The following SFXN1 variants were observed in gnomAD, a reference collection of about 807,000 sequenced individuals.
The protein encoded by SFXN1 is sideroflexin 1, also known as sideroflexin-1.
A neutral mutation model predicts 39.5 loss-of-function variants in SFXN1; 32 were observed. That is an observed-to-expected ratio of 0.81 (90% confidence interval 0.61 to 1.09). The LOEUF is 1.09. SFXN1 is among the 50% of genes least tolerant of loss of function. The pLI is 0.00. For missense variants in SFXN1, 402 were observed against 407.1 expected, an observed-to-expected ratio of 0.99 and a Z score of 0.11; for synonymous variants, 136 against 146.5, an observed-to-expected ratio of 0.93 and a Z score of 0.52.
intron 1 of SFXN1, among the ~76,000 whole-genome samples, chr5:175,490,750 A>G (rs1759624328): frequency 1.3e-5 from 2 of 152,204 alleles, no homozygotes; most frequent in Admixed American, 1.3e-4. Context: ...AGGGATAAGC[A>G]TTATATGTCA....
Position 175,486,670 on chromosome 5 carries a change from C to A in SFXN1, c.-9-5425C>A, listed in dbSNP as rs1012115842. Among the ~76,000 whole-genome samples, 3 of 152,146 alleles carry A rather than the reference C, an allele frequency of 2.0e-5. No homozygotes were observed. In the East Asian group the frequency reaches 5.8e-4, roughly 29 times the overall value. On this transcript the variant is annotated intron_variant, in intron 1 of 10. Transcript: ENST00000321442. ...GCAGACGCCTGTAGTCCTAGCTGCT[C>A]GGGAGGCTGAGGTGGGAGGATCACC...
chr5:175,520,678 A>T (rs1760852130), intron 8 of SFXN1, among the ~76,000 whole-genome samples: 1 of 152,176 alleles, frequency 6.6e-6, no homozygotes, highest in Non-Finnish European at 1.5e-5. Flanking sequence ...TACAATGAGG[A>T]GGCTGCTCTC....
intron 9 of SFXN1, 93 bp from the exon 10 acceptor site, chr5:175,522,282 A>G: frequency 2.3e-6 from 3 of 1,290,444 alleles, no homozygotes; most frequent in Non-Finnish European, 3.2e-6. Context: ...AATGCTCTGA[A>G]GAAAGAAGGG....
At chr5:175,487,478 G>A (rs1040412725) in intron 1 of SFXN1, among the ~76,000 whole-genome samples, 4 of 152,130 alleles carry the variant, frequency 2.6e-5, no homozygotes, top group African/African-American at 7.2e-5. Context: ...GGCCAGTCGG[G>A]CTACCAATAG....
At position 175,509,083 on chromosome 5, in the gene SFXN1, G is replaced by A; in HGVS notation, c.216G>A (p.Lys72=). Residue 72 remains lysine, a synonymous_variant, in exon 3 of 11, where the codon AAG becomes AAA. Transcript: ENST00000321442. Reference sequence around the variant, plus strand: ...CAGAAAATGAATTGTGGAGAGCAAAGTACATCTATGATTCAGCTTTTCATC... The same window carrying A: ...CAGAAAATGAATTGTGGAGAGCAAAATACATCTATGATTCAGCTTTTCATC... The part of the protein sequence containing the change: ...GLTENELWRA[K]YIYDSAFHPD... The A allele has an allele frequency of 1.2e-6, 2 of 1,613,796 alleles. No individual in the cohort carries two copies. The highest frequency in any genetic ancestry group is 1.1e-5 in the South Asian group (1 of 90,984).
In SFXN1 at chr5:175,499,671, C is replaced by T. The variant is rs553865565; in HGVS notation, c.164+7404C>T. Among the ~76,000 whole-genome samples the T allele has an allele frequency of 4.5e-3, 686 of 152,298 alleles. 6 individuals carry two copies. Among genetic ancestry groups the T allele is most frequent in the Non-Finnish European group, 7.7e-3 (527 of 68,016 alleles). On this transcript the variant is annotated intron_variant, in intron 2 of 10. Transcript: ENST00000321442. ...GGAAGGTACAACTACAAAAACCCTA[C>T]GACTAACATCAAACCTAATGGTGAA... is the stretch of plus-strand genomic sequence containing the variant.
intron 2 of SFXN1, among the ~76,000 whole-genome samples, chr5:175,501,063 ATTTTTTTTT>A (rs531862744): frequency 2.6e-5 from 3 of 116,088 alleles, no homozygotes; most frequent in African/African-American, 1.1e-4. Flanking sequence ...ATGGGCAAAG[ATTTTTTTTT>A]TTTTTTTTTT....
chr5:175,504,015 A>AG (rs1387361126), intron 2 of SFXN1, among the ~76,000 whole-genome samples: 2 of 151,460 alleles, frequency 1.3e-5, no homozygotes, highest in East Asian at 3.9e-4. Flanking sequence ...AAAAAAAAAA[A>AG]AAAAAGGGAT....
At chr5:175,486,874 G>T (rs868792470) in intron 1 of SFXN1, among the ~76,000 whole-genome samples, 1 of 152,170 alleles carries the variant, frequency 6.6e-6, no homozygotes, top group East Asian at 1.9e-4. Flanking sequence ...ACAAATTAGG[G>T]ATAGTTTGTT....
At chr5:175,492,539 C>T in intron 2 of SFXN1, 1 of 272,406 alleles carries the variant, frequency 3.7e-6, no homozygotes, top group Non-Finnish European at 6.8e-6. Context: ...GGCAGCTTGC[C>T]TTCTGTTCTC....
intron 2 of SFXN1, among the ~76,000 whole-genome samples, chr5:175,493,238 C>T (rs1046785636): frequency 7.3e-5 from 11 of 151,134 alleles, no homozygotes; most frequent in African/African-American, 2.4e-4. Context: ...CCAGCCTGGG[C>T]GACAGAGCGA....
chr5:175,492,777 T>C (rs1759708489), intron 2 of SFXN1, among the ~76,000 whole-genome samples: 1 of 152,084 alleles, frequency 6.6e-6, no homozygotes, highest in Non-Finnish European at 1.5e-5. Flanking sequence ...ACGCCATCAG[T>C]TGAGAGAACC....
At chr5:175,516,750 G>A in intron 8 of SFXN1, 87 bp downstream of exon 8, 1 of 1,381,550 alleles carries the variant, frequency 7.2e-7, no homozygotes, top group Non-Finnish European at 1.0e-6. Context: ...TACCTAAACA[G>A]TAAAGAAGCC....
intron 4 of SFXN1, 25 bp downstream of exon 4, chr5:175,510,232 C>T (rs776631487): frequency 4.0e-5 from 63 of 1,561,386 alleles, no homozygotes; most frequent in Admixed American, 1.7e-5. Flanking sequence ...ATTGACCACT[C>T]TCTGCAGTTC....
intron 10 of SFXN1, chr5:175,523,184 A>G (rs1581331002): frequency 6.6e-6 from 1 of 152,190 alleles, no homozygotes; most frequent in African/African-American, 2.4e-5. Context: ...CCTGATCGAG[A>G]ACTCCACCTT....
chr5:175,484,402 G>A (rs780509063), intron 1 of SFXN1, among the ~76,000 whole-genome samples: 3 of 152,108 alleles, frequency 2.0e-5, no homozygotes, highest in Non-Finnish European at 2.9e-5. Flanking sequence ...CAGCAGTCCC[G>A]CCCCACAACC....
intron 2 of SFXN1, among the ~76,000 whole-genome samples, chr5:175,493,415 C>G (rs767558525): frequency 7.9e-5 from 12 of 152,162 alleles, no homozygotes; most frequent in Non-Finnish European, 1.8e-4. Flanking sequence ...AGTGACACAT[C>G]AGAAGCAGGT....
chr5:175,508,107 A>G (rs1181301205), intron 2 of SFXN1, among the ~76,000 whole-genome samples: 1 of 152,154 alleles, frequency 6.6e-6, no homozygotes, highest in Non-Finnish European at 1.5e-5. Context: ...TTCAAAATAC[A>G]TTATAAAATA....
At chr5:175,513,066 C>T (rs1003390304) in intron 6 of SFXN1, among the ~76,000 whole-genome samples, 3 of 151,826 alleles carry the variant, frequency 2.0e-5, no homozygotes, top group African/African-American at 4.8e-5. Context: ...TTTGGGAGGC[C>T]GAGGCGAGTG....
Sources: allele counts gnomAD v4.1 joint callset (sites outside exome capture counted in the v4.1 genomes callset), GRCh38; gene constraint gnomAD v4.1.1; transcripts MANE v1.5; gene names NCBI Gene and HGNC (gene_info 2026-07-23, HGNC 2026-07-21).